GLP1R: variants seen among roughly 807,000 people sequenced by gnomAD.
The protein encoded by GLP1R is glucagon-like peptide 1 receptor.
A neutral mutation model predicts 68.4 loss-of-function variants in GLP1R; 32 were observed. The ratio of observed to expected loss-of-function variants is 0.47; its 90% CI spans 0.35 to 0.63. The LOEUF is 0.63. Ranked by LOEUF, GLP1R falls within the 20% of genes least tolerant of loss-of-function variation. The pLI, the probability that GLP1R is intolerant of heterozygous loss-of-function variation, is 0.00. For synonymous variants in GLP1R, 263 were observed against 244.4 expected, an observed-to-expected ratio of 1.08 and a Z score of -0.71; for missense variants, 502 against 594.9, an observed-to-expected ratio of 0.84 and a Z score of 1.62.
chr6:39,065,510 G>A (rs1450625246), intron 3 of GLP1R, among the ~76,000 whole-genome samples: 1 of 152,242 alleles, frequency 6.6e-6, no homozygotes, highest in Non-Finnish European at 1.5e-5. Context: ...TGGACCAACA[G>A]CGTATATGTC....
intron 3 of GLP1R, among the ~76,000 whole-genome samples, 181 bp downstream of exon 3, chr6:39,057,760 GC>G (rs1768252898): frequency 6.7e-6 from 1 of 149,008 alleles, no homozygotes; most frequent in Non-Finnish European, 1.5e-5. Flanking sequence ...GCAGTGGTGA[GC>G]CCCCTCCCTA....
chr6:39,078,310 CCTCT>C lies in GLP1R; in HGVS notation c.824-7_824-4del, dbSNP rs1562016571. 6.2e-7 allele frequency: 1 copy of C among 1,606,064 alleles called. No homozygotes were observed. ...CAGCCCCTCTCCCCTTCTGTCTTTC[CCTCT>C]CTCTTAGGTGTTCCCCTGCTGTTTG... On this transcript the variant is annotated splice_polypyrimidine_tract_variant and splice_region_variant and intron_variant, in intron 7 of 12. Transcript: ENST00000373256.
At chr6:39,060,607 G>C (rs1423680173) in intron 3 of GLP1R, among the ~76,000 whole-genome samples, 1 of 152,194 alleles carries the variant, frequency 6.6e-6, no homozygotes, top group African/African-American at 2.4e-5. Flanking sequence ...AAGGCAGGGA[G>C]GGAGCAGGGG....
chr6:39,060,047 C>T (rs1324455229), intron 3 of GLP1R, among the ~76,000 whole-genome samples: 3 of 152,106 alleles, frequency 2.0e-5, no homozygotes, highest in Non-Finnish European at 2.9e-5. Context: ...TTGGAATCAC[C>T]GACTCTGCTG....
chr6:39,082,059 A>G (rs1475496638), intron 12 of GLP1R, among the ~76,000 whole-genome samples: 1 of 152,182 alleles, frequency 6.6e-6, no homozygotes, highest in Non-Finnish European at 1.5e-5. Flanking sequence ...ATTCCCAGAG[A>G]CAGGGGCCTA....
chr6:39,051,107 G>C (rs1471887471), intron 1 of GLP1R, among the ~76,000 whole-genome samples: 1 of 152,046 alleles, frequency 6.6e-6, no homozygotes. Context: ...TGAGGGAGCG[G>C]GCCTACTGAG....
rs1302192858 is a variant in GLP1R at position 39,049,230 on chromosome 6, T to C, written c.78+312T>C. 1.3e-5 allele frequency among the ~76,000 whole-genome samples: 2 copies of C among 152,108 alleles called. No homozygotes were observed. Among genetic ancestry groups the C allele is most frequent in the African/African-American group, 4.8e-5 (2 of 41,438 alleles). ...GCGCTGACTTCTGCTCCGCTTCTCCTTTGTCCCCAGCACTTTCCCAACTCC... is the reference window on the plus strand; with the variant it reads ...GCGCTGACTTCTGCTCCGCTTCTCCCTTGTCCCCAGCACTTTCCCAACTCC... On this transcript the variant is annotated intron_variant, in intron 1 of 12. Coordinates refer to ENST00000373256, the MANE Select transcript of GLP1R (RefSeq NM_002062.5). The surrounding 1 kb of genome is among the most constrained non-coding windows in gnomAD (Gnocchi z 4.5).
chr6:39,073,604 C>A lies in GLP1R; in HGVS notation c.664-6C>A, dbSNP rs1339679271. On this transcript the variant is annotated splice_polypyrimidine_tract_variant and splice_region_variant and intron_variant, in intron 6 of 12. Coordinates refer to ENST00000373256, the MANE Select transcript of GLP1R (RefSeq NM_002062.5). ...TGTCCCCATGACACCCTTCCTCTAC[C>A]CCCAGGACTCTCTGAGCTGCCGCCT... 6.2e-7 allele frequency: 1 copy of A among 1,613,196 alleles called. No homozygotes were observed. The highest frequency in any genetic ancestry group is 2.2e-5 in the East Asian group (1 of 44,876).
rs965515395 is a variant in GLP1R, at chr6:39,073,108, CAA to C, written c.663+94_663+95del. On this transcript the variant is annotated intron_variant, in intron 6 of 12. Transcript: ENST00000373256. Reference sequence around the variant, plus strand: ...TAGACAGGCCTGGGACAGGAGAAGACAAGAGCCGAACAGTCCTGGCCCTTCGG... The same window carrying C: ...TAGACAGGCCTGGGACAGGAGAAGACGAGCCGAACAGTCCTGGCCCTTCGG... 3.2e-6 allele frequency: 4 copies of C among 1,238,592 alleles called. No homozygotes were observed. In the African/African-American group the frequency reaches 5.9e-5, roughly 18 times the overall value. The allele number at this position is 1,238,592 out of a possible 1,614,324, so 76.7% of individuals were successfully genotyped here.
At chr6:39,070,753 C>G (rs1044558350) in intron 5 of GLP1R, among the ~76,000 whole-genome samples, 1 of 151,822 alleles carries the variant, frequency 6.6e-6, no homozygotes, top group African/African-American at 2.4e-5. Flanking sequence ...TTTTCATATC[C>G]TTTGCTTACT....
Position 39,079,422 on chromosome 6 carries a change from G to T in GLP1R, c.1044-142G>T. The T allele has an allele frequency of 1.1e-6, 1 of 916,404 alleles. No individual in the cohort carries two copies. 56.8% of individuals were successfully genotyped at this position (916,404 alleles called of 1,614,324 possible). On this transcript the variant is annotated intron_variant, in intron 10 of 12. Coordinates refer to ENST00000373256, the MANE Select transcript of GLP1R (RefSeq NM_002062.5). This position sits in a 1 kb window ranked among gnomAD's most constrained non-coding sequence, Gnocchi z 4.5. ...GACCTCTATTCTTTCCCTCCAGGCA[G>T]CCTGTCCCAGGGTATTTGGGGTGGG... is the stretch of plus-strand genomic sequence containing the variant.
Position 39,073,660 on chromosome 6 carries a change from G to A in GLP1R, c.714G>A (p.Ala238=), listed in dbSNP as rs201674679. 8.7e-6 allele frequency: 14 copies of A among 1,613,624 alleles called. No individual in the cohort carries two copies. Among genetic ancestry groups the A allele is most frequent in the East Asian group, 2.2e-5 (1 of 44,880 alleles). ...LVFLLMQYCV[A]ANYYWLLVEG... is the part of the protein sequence containing the mutation. ...TTCTGCTCATGCAGTACTGTGTGGC[G>A]GCCAATTACTACTGGCTCTTGGTGG... is the stretch of plus-strand genomic sequence containing the variant. The change falls in exon 7 of 13, where the codon GCG becomes GCA. Residue 238 remains alanine (A), a synonymous_variant. Coordinates refer to ENST00000373256, the MANE Select transcript of GLP1R (RefSeq NM_002062.5).
At chr6:39,078,281 C>T in intron 7 of GLP1R, 41 bp from the exon 8 acceptor site, 2 of 1,480,306 alleles carry the variant, frequency 1.4e-6, no homozygotes, top group Non-Finnish European at 1.9e-6. Context: ...TGGCTCTGGC[C>T]TGCCAGCCCC....
rs1769211062 is a variant in GLP1R at position 39,088,799 on chromosome 6, G to A, written c.*2726G>A. Among the ~76,000 whole-genome samples, 1 of 152,154 alleles carries A rather than the reference G, an allele frequency of 6.6e-6. No homozygotes were observed. The highest frequency in any genetic ancestry group is 2.4e-5 in the African/African-American group (1 of 41,440). On this transcript the variant is annotated 3_prime_UTR_variant, in exon 13 of 13. Coordinates refer to ENST00000373256, the MANE Select transcript of GLP1R (RefSeq NM_002062.5). ...CTGTAGACCACATCGTTGGAGCTCTGGGAGAGCTCTGAGCAGAGAAAGACC... is the reference window on the plus strand; with the variant it reads ...CTGTAGACCACATCGTTGGAGCTCTAGGAGAGCTCTGAGCAGAGAAAGACC...
At chr6:39,083,223 C>A (rs1769055263) in intron 12 of GLP1R, among the ~76,000 whole-genome samples, 1 of 152,190 alleles carries the variant, frequency 6.6e-6, no homozygotes, top group Non-Finnish European at 1.5e-5. Context: ...AACGGGAGAA[C>A]CTGTCTCCCT....
Position 39,079,541 on chromosome 6 carries a change from G to A in GLP1R, c.1044-23G>A. Reference sequence around the variant, plus strand: ...CCATGGGAGAGGTCCAGAATGACTCGAGATCTCTGCCCTGCCCCTCAGACT... The same window carrying A: ...CCATGGGAGAGGTCCAGAATGACTCAAGATCTCTGCCCTGCCCCTCAGACT... On this transcript the variant is annotated intron_variant, in intron 10 of 12. Transcript: ENST00000373256. This position sits in a 1 kb window ranked among gnomAD's most constrained non-coding sequence, Gnocchi z 4.5. The A allele has an allele frequency of 4.5e-6, 7 of 1,568,098 alleles. No individual in the cohort carries two copies. The highest frequency in any genetic ancestry group is 5.2e-6 in the Non-Finnish European group (6 of 1,160,114).
rs928726525 is a variant in GLP1R at position 39,089,673 on chromosome 6, A to G, written c.*3600A>G. ...GCATGTTTCTTCTGTGCATAGCAGC[A>G]TAAAGTTAGGAGATGATGACTCCAG... is the stretch of plus-strand genomic sequence containing the variant. On this transcript the variant is annotated 3_prime_UTR_variant, in exon 13 of 13. Coordinates refer to ENST00000373256, the MANE Select transcript of GLP1R (RefSeq NM_002062.5). The surrounding 1 kb of genome is among the most constrained non-coding windows in gnomAD (Gnocchi z 4.1). 2.6e-5 allele frequency among the ~76,000 whole-genome samples: 4 copies of G among 152,130 alleles called. No homozygotes were observed. The highest frequency in any genetic ancestry group is 9.7e-5 in the African/African-American group (4 of 41,428).
intron 3 of GLP1R, among the ~76,000 whole-genome samples, chr6:39,063,360 G>A (rs924669637): frequency 2.0e-5 from 3 of 152,094 alleles, no homozygotes; most frequent in Non-Finnish European, 4.4e-5. Flanking sequence ...GCTTGAGAGG[G>A]GCCCTTCGCG....
intron 5 of GLP1R, among the ~76,000 whole-genome samples, chr6:39,066,517 G>A (rs533367189): frequency 1.6e-4 from 24 of 152,284 alleles, no homozygotes; most frequent in African/African-American, 2.9e-4. Context: ...AAAAGTGTGC[G>A]TATGTACTGC....
Sources: allele counts gnomAD v4.1 joint callset (sites outside exome capture counted in the v4.1 genomes callset), GRCh38; gene constraint gnomAD v4.1.1; non-coding constraint Gnocchi (gnomAD v3.1); transcripts MANE v1.5; gene names NCBI Gene and HGNC (gene_info 2026-07-23, HGNC 2026-07-21).